The following PEX14 variants were observed in gnomAD, a reference collection of about 807,000 sequenced individuals.
PEX14 encodes the protein peroxisomal membrane protein PEX14.
A neutral mutation model predicts 49.5 loss-of-function variants in PEX14; 15 were observed. The ratio of observed to expected loss-of-function variants is 0.30; its 90% CI spans 0.20 to 0.47. The LOEUF is 0.47. Ranked by LOEUF, PEX14 falls within the 20% of genes least tolerant of loss-of-function variation. The pLI, the probability that PEX14 is intolerant of heterozygous loss-of-function variation, is 1.00. For synonymous variants in PEX14, 210 were observed against 212.7 expected (o/e 0.99, Z 0.11); for missense variants, 398 against 494.8 (o/e 0.80, Z 1.86).
Position 10,629,420 on chromosome 1 carries a change from G to T in PEX14, c.678-111G>T, listed in dbSNP as rs976187914. ...ATCCTGTCCCTTGCCCAGTGTCCCTGGGGGAGCAGCTCACCATCGCCGAGC... is the reference window on the plus strand; with the variant it reads ...ATCCTGTCCCTTGCCCAGTGTCCCTTGGGGAGCAGCTCACCATCGCCGAGC... On this transcript the variant is annotated intron_variant, in intron 8 of 8. Coordinates refer to ENST00000356607, the MANE Select transcript of PEX14 (RefSeq NM_004565.3). The surrounding 1 kb of genome is among the most constrained non-coding windows in gnomAD (Gnocchi z 8.5). 21 of 764,370 alleles carry T rather than the reference G, an allele frequency of 2.7e-5. No individual in the cohort carries two copies. The African/African-American group carries it at 3.5e-4, about 13-fold the overall frequency. The allele number at this position is 764,370 out of a possible 1,614,324, so 47.3% of individuals were successfully genotyped here.
chr1:10,577,587 T>A lies in PEX14; in HGVS notation c.170-21651T>A, dbSNP rs1293059372. ...ATTTTTTTTTTTTTTTTTTTTTTTT[T>A]TTTTTTTTTTTTTTTTTTTTTTTGG... On this transcript the variant is annotated intron_variant, in intron 3 of 8. Coordinates refer to ENST00000356607, the MANE Select transcript of PEX14 (RefSeq NM_004565.3). 4.9e-3 allele frequency among the ~76,000 whole-genome samples: 101 copies of A among 20,536 alleles called. 2 individuals carry two copies. Among genetic ancestry groups the A allele is most frequent in the African/African-American group, 9.4e-3 (51 of 5,400 alleles). The allele number at this position is 20,536 out of a possible 152,430, so 13.5% of individuals were successfully genotyped here.
At chr1:10,562,683 G>A (rs1305571129) in intron 3 of PEX14, among the ~76,000 whole-genome samples, 1 of 152,112 alleles carries the variant, frequency 6.6e-6, no homozygotes, top group Non-Finnish European at 1.5e-5. Flanking sequence ...GGTTGAAGTG[G>A]TATCTGCCAA....
chr1:10,555,954 C>T (rs1639475605), intron 3 of PEX14, among the ~76,000 whole-genome samples: 1 of 151,970 alleles, frequency 6.6e-6, no homozygotes, highest in South Asian at 2.1e-4. Flanking sequence ...GCCGAATGAT[C>T]CTGGAGCATG....
At chr1:10,531,685 A>G (rs1196765530) in intron 2 of PEX14, among the ~76,000 whole-genome samples, 1 of 152,182 alleles carries the variant, frequency 6.6e-6, no homozygotes, top group Non-Finnish European at 1.5e-5. Flanking sequence ...TAATATTTTA[A>G]GATGGCTAAT....
chr1:10,577,556 A>G (rs1318734062), intron 3 of PEX14, among the ~76,000 whole-genome samples: 27 of 5,826 alleles, frequency 4.6e-3, no homozygotes, highest in Non-Finnish European at 9.3e-3. Flanking sequence ...ATATATATAT[A>G]TATATATTTT....
chr1:10,477,441 C>G (rs532422477), intron 1 of PEX14, among the ~76,000 whole-genome samples: 20 of 152,166 alleles, frequency 1.3e-4, no homozygotes, highest in Non-Finnish European at 2.1e-4. Flanking sequence ...TTGAATGAAC[C>G]AATGCTCTTC....
chr1:10,536,043 A>C (rs1638792893), intron 2 of PEX14, 170 bp from the exon 3 acceptor site: 1 of 642,128 alleles, frequency 1.6e-6, no homozygotes, highest in East Asian at 2.9e-5. Context: ...CAGGGAAACA[A>C]CATCGCCTTT....
chr1:10,529,646 A>G lies in PEX14; in HGVS notation c.85-6567A>G, dbSNP rs1638588020. Among the ~76,000 whole-genome samples the G allele has an allele frequency of 6.6e-6, 1 of 152,224 alleles. No individual in the cohort carries two copies. The highest frequency in any genetic ancestry group is 6.5e-5 in the Admixed American group (1 of 15,286). On this transcript the variant is annotated intron_variant, in intron 2 of 8. Coordinates refer to ENST00000356607, the MANE Select transcript of PEX14 (RefSeq NM_004565.3). The surrounding 1 kb of genome is among the most constrained non-coding windows in gnomAD (Gnocchi z 4.2). ...GCATGTGAAGTTGCCACTTTTCATAAAGGCTTTTACTACATATATCAATGA... is the reference window on the plus strand; with the variant it reads ...GCATGTGAAGTTGCCACTTTTCATAGAGGCTTTTACTACATATATCAATGA...
intron 2 of PEX14, among the ~76,000 whole-genome samples, chr1:10,516,796 T>G (rs1318792527): frequency 6.6e-6 from 1 of 152,144 alleles, no homozygotes; most frequent in Non-Finnish European, 1.5e-5. Context: ...CAGGTATTGG[T>G]TTAGAAAGAA....
chr1:10,480,857 C>T (rs1426972529), intron 1 of PEX14, among the ~76,000 whole-genome samples: 2 of 139,476 alleles, frequency 1.4e-5, no homozygotes, highest in South Asian at 4.2e-4. Context: ...CTCTCTCTCT[C>T]TCTATATATA....
chr1:10,554,521 G>C (rs1639430944), intron 3 of PEX14, among the ~76,000 whole-genome samples: 1 of 152,100 alleles, frequency 6.6e-6, no homozygotes, highest in African/African-American at 2.4e-5. Flanking sequence ...TGAAGCTTCT[G>C]CTCCTCTGCC....
chr1:10,627,165 G>C (rs993215176), intron 7 of PEX14, 107 bp from the exon 8 acceptor site: 4 of 794,458 alleles, frequency 5.0e-6, no homozygotes, highest in African/African-American at 3.4e-5. Flanking sequence ...CCCCAGAACA[G>C]ACCCAGAAGG....
rs371934649 is a variant in PEX14, at chr1:10,614,985, TC to T, written c.299-3345del. On this transcript the variant is annotated intron_variant, in intron 4 of 8. Transcript: ENST00000356607. Reference sequence around the variant, plus strand: ...GGCTCCTTGGGGTCGAGGTGAAAGATCCGTCTGCCTCAGTGCTCTTAGAGCT... The same window carrying T: ...GGCTCCTTGGGGTCGAGGTGAAAGATCGTCTGCCTCAGTGCTCTTAGAGCT... Among the ~76,000 whole-genome samples the T allele has an allele frequency of 4.9e-4, 75 of 152,292 alleles. No individual in the cohort carries two copies. In the South Asian group the frequency reaches 5.4e-3, roughly 11 times the overall value.
chr1:10,536,412 C>T lies in PEX14; in HGVS notation c.169+115C>T, dbSNP rs967236940. 70 of 750,784 alleles carry T rather than the reference C, an allele frequency of 9.3e-5. 1 individual carries two copies. Among genetic ancestry groups the T allele is most frequent in the Middle Eastern group, 6.4e-4 (2 of 3,118 alleles). The allele number at this position is 750,784 out of a possible 1,614,324, so 46.5% of individuals were successfully genotyped here. ...TGCCAGGACTTCCTAGAGCTGCCCA[C>T]TCATGGGGCAGTGGGGCTGAGGCGA... is the stretch of plus-strand genomic sequence containing the variant. On this transcript the variant is annotated intron_variant, in intron 3 of 8. Transcript: ENST00000356607.
intron 3 of PEX14, among the ~76,000 whole-genome samples, chr1:10,571,012 CT>C (rs1639959367): frequency 7.8e-6 from 1 of 128,184 alleles, no homozygotes; most frequent in Admixed American, 8.9e-5. Flanking sequence ...CCACGCCTGG[CT>C]AGTTTTTTTT....
At chr1:10,485,591 G>C (rs1384591943) in intron 1 of PEX14, among the ~76,000 whole-genome samples, 3 of 150,838 alleles carry the variant, frequency 2.0e-5, no homozygotes, top group African/African-American at 7.4e-5. Context: ...AGTGCTGGAA[G>C]TACAGGCATG....
intron 2 of PEX14, among the ~76,000 whole-genome samples, chr1:10,500,519 T>C (rs1641658237): frequency 6.6e-6 from 1 of 152,166 alleles, no homozygotes. Context: ...TAGAATACTT[T>C]GGTGTACTTG....
intron 4 of PEX14, among the ~76,000 whole-genome samples, chr1:10,601,846 T>A (rs988143669): frequency 6.6e-6 from 1 of 152,234 alleles, no homozygotes; most frequent in Non-Finnish European, 1.5e-5. Flanking sequence ...CCCAGCCGTG[T>A]AATGGGATTT....
intron 3 of PEX14, among the ~76,000 whole-genome samples, chr1:10,561,209 A>AAC (rs1639644198): frequency 6.6e-6 from 1 of 152,214 alleles, no homozygotes; most frequent in African/African-American, 2.4e-5. Flanking sequence ...GAAGAAAATT[A>AAC]ACACTAATTC....
Sources: allele counts gnomAD v4.1 joint callset (sites outside exome capture counted in the v4.1 genomes callset), GRCh38; gene constraint gnomAD v4.1.1; non-coding constraint Gnocchi (gnomAD v3.1); transcripts MANE v1.5; gene names NCBI Gene and HGNC (gene_info 2026-07-23, HGNC 2026-07-21).